The following SLC25A21 variants were observed in gnomAD, a reference collection of about 807,000 sequenced individuals.
The protein encoded by SLC25A21 is solute carrier family 25 member 21.
In SLC25A21, 47 loss-of-function variants were observed where a neutral mutation model predicts 43.8. That is an observed-to-expected ratio of 1.07 (90% confidence interval 0.85 to 1.37). The LOEUF (loss-of-function observed/expected upper bound fraction) is 1.37, where lower values mean the gene tolerates loss of function less well. SLC25A21 is among the 40% of genes most tolerant of loss of function. SLC25A21 has a pLI of 0.00. For synonymous variants in SLC25A21, 131 were observed against 121.3 expected (o/e 1.08, Z -0.52); for missense variants, 352 against 350.2 (o/e 1.00, Z -0.04).
intron 7 of SLC25A21, among the ~76,000 whole-genome samples, chr14:36,685,719 T>C (rs891010716): frequency 6.6e-6 from 1 of 152,178 alleles, no homozygotes; most frequent in Non-Finnish European, 1.5e-5. Context: ...TTTCCACCCC[T>C]CCCTGCACTG....
At chr14:37,022,334 A>C (rs1961005038) in intron 1 of SLC25A21, among the ~76,000 whole-genome samples, 1 of 152,018 alleles carries the variant, frequency 6.6e-6, no homozygotes, top group African/African-American at 2.4e-5. Flanking sequence ...TCAATGTTTC[A>C]CAATAAAAAA....
chr14:36,945,442 G>A (rs1348416910), intron 1 of SLC25A21, among the ~76,000 whole-genome samples: 1 of 152,178 alleles, frequency 6.6e-6, no homozygotes, highest in African/African-American at 2.4e-5. Flanking sequence ...ATTCATGAGA[G>A]GCAAGAGGTA....
intron 1 of SLC25A21, among the ~76,000 whole-genome samples, chr14:37,043,050 C>G (rs1961508321): frequency 6.6e-6 from 1 of 152,138 alleles, no homozygotes; most frequent in Admixed American, 6.5e-5. Flanking sequence ...CACCAGTGGC[C>G]CAAGTCAGGA....
intron 3 of SLC25A21, among the ~76,000 whole-genome samples, chr14:36,754,104 A>G (rs1328082630): frequency 6.6e-6 from 1 of 152,158 alleles, no homozygotes; most frequent in Non-Finnish European, 1.5e-5. Flanking sequence ...GGGTGCCCAG[A>G]TATTTGGTCA....
intron 3 of SLC25A21, among the ~76,000 whole-genome samples, chr14:36,769,384 T>C (rs1886536108): frequency 6.6e-6 from 1 of 152,248 alleles, no homozygotes; most frequent in Admixed American, 6.5e-5. Context: ...GAGTTGTCAA[T>C]AGCTCTTCAA....
At chr14:36,878,548 T>A (rs1293375491) in intron 1 of SLC25A21, among the ~76,000 whole-genome samples, 1 of 152,198 alleles carries the variant, frequency 6.6e-6, no homozygotes. Flanking sequence ...ACCATATAAA[T>A]AGAATCAGAT....
chr14:37,013,117 A>G (rs1190114134), intron 1 of SLC25A21, among the ~76,000 whole-genome samples: 2 of 152,192 alleles, frequency 1.3e-5, no homozygotes, highest in Non-Finnish European at 2.9e-5. Context: ...CAACAAATAT[A>G]ATTTTTAAAG....
At chr14:36,856,706 C>G (rs1172508878) in intron 2 of SLC25A21, among the ~76,000 whole-genome samples, 2 of 152,166 alleles carry the variant, frequency 1.3e-5, no homozygotes, top group Non-Finnish European at 2.9e-5. Context: ...GGCCGGCACG[C>G]AAGGGCTATC....
intron 3 of SLC25A21, chr14:36,759,830 T>A (rs1749926): frequency 0.16 from 24,354 of 152,114 alleles, 2,216 homozygotes; most frequent in Middle Eastern, 0.25. Context: ...TAGCTGGGTG[T>A]GGTGGCGCAT....
At chr14:37,030,379 T>A (rs543919015) in intron 1 of SLC25A21, among the ~76,000 whole-genome samples, 57 of 152,242 alleles carry the variant, frequency 3.7e-4, no homozygotes, top group Admixed American at 6.5e-4. Context: ...TCAACTGTAC[T>A]TCTTTTGAGT....
intron 3 of SLC25A21, among the ~76,000 whole-genome samples, chr14:36,738,264 T>C (rs531486977): frequency 6.6e-6 from 1 of 152,356 alleles, no homozygotes; most frequent in South Asian, 2.1e-4. Flanking sequence ...AAATATTATA[T>C]GCAGCTTTCT....
intron 3 of SLC25A21, among the ~76,000 whole-genome samples, chr14:36,747,198 G>C (rs1476344815): frequency 1.3e-5 from 2 of 152,090 alleles, no homozygotes; most frequent in East Asian, 3.9e-4. Flanking sequence ...GGTTATTCCT[G>C]TTTTTAATCA....
chr14:36,762,588 C>T (rs1444409155), intron 3 of SLC25A21, among the ~76,000 whole-genome samples: 4 of 152,212 alleles, frequency 2.6e-5, no homozygotes, highest in Non-Finnish European at 5.9e-5. Flanking sequence ...AAAATATAAA[C>T]TGTCATCAAT....
chr14:36,954,044 A>G (rs1426275173), intron 1 of SLC25A21, among the ~76,000 whole-genome samples: 1 of 152,166 alleles, frequency 6.6e-6, no homozygotes, highest in Non-Finnish European at 1.5e-5. Context: ...ATACAACATG[A>G]TTCTGTAGAA....
intron 5 of SLC25A21, among the ~76,000 whole-genome samples, chr14:36,727,634 G>T (rs966980841): frequency 2.6e-5 from 4 of 152,118 alleles, no homozygotes; most frequent in African/African-American, 9.7e-5. Flanking sequence ...GTTGCAGCGA[G>T]CTGAGATCAT....
intron 1 of SLC25A21, among the ~76,000 whole-genome samples, chr14:36,938,012 A>G (rs1267845425): frequency 6.6e-6 from 1 of 152,136 alleles, no homozygotes; most frequent in Non-Finnish European, 1.5e-5. Context: ...TTTTTAAAAA[A>G]AAATTTTTTT....
At chr14:36,686,009 A>C (rs1465459504) in intron 7 of SLC25A21, among the ~76,000 whole-genome samples, 1 of 152,186 alleles carries the variant, frequency 6.6e-6, no homozygotes, top group African/African-American at 2.4e-5. Context: ...GGAACAATAT[A>C]GGGCTGTGCC....
intron 1 of SLC25A21, among the ~76,000 whole-genome samples, chr14:36,880,079 A>C (rs192277419): frequency 4.9e-4 from 74 of 152,250 alleles, no homozygotes; most frequent in African/African-American, 1.6e-3. Context: ...GGCCACTCAG[A>C]AAAAATATTG....
chr14:36,884,698 C>A (rs766082320), intron 1 of SLC25A21, among the ~76,000 whole-genome samples: 2 of 152,020 alleles, frequency 1.3e-5, no homozygotes, highest in South Asian at 2.1e-4. Context: ...TATCTCATTG[C>A]GGTTTTAATT....
Sources: gnomAD v4.1 joint callset for allele counts (sites outside exome capture counted in the v4.1 genomes callset) on GRCh38, gnomAD v4.1.1 for gene constraint, MANE v1.5 for transcripts, NCBI Gene and HGNC (gene_info 2026-07-23, HGNC 2026-07-21) for gene names.